The following POLE2 variants were observed in gnomAD, a reference collection of about 807,000 sequenced individuals.
POLE2 encodes the protein DNA polymerase epsilon 2, accessory subunit, also known as DNA polymerase epsilon subunit 2.
Under a neutral mutation model 79.4 loss-of-function variants are expected in POLE2, and 56 were observed. That is an observed-to-expected ratio of 0.71 (90% CI 0.57 to 0.88). The LOEUF (loss-of-function observed/expected upper bound fraction) is 0.88. Among genes scored for constraint, POLE2 ranks in the 40% least tolerant of loss-of-function variants. The probability of loss-of-function intolerance (pLI) is 0.00; values close to 1 mark genes in which losing one functional copy is unlikely to be tolerated. For missense variants in POLE2, 598 were observed against 638.9 expected (o/e 0.94, Z 0.69); for synonymous variants, 212 against 214.0 (o/e 0.99, Z 0.08).
rs1886384418 is a variant in POLE2, at chr14:49,677,701, T to A, written c.245+2024A>T. ...CTTACGAAATGGTGTTCAAGAAACG[T>A]GACAGTGTGGCCCTTGCTGTGCAGA... On this transcript the variant is annotated intron_variant, in intron 3 of 18. Transcript: ENST00000216367. The A allele has an allele frequency of 2.9e-6, 4 of 1,369,736 alleles. No individual in the cohort carries two copies. In the East Asian group the frequency reaches 7.9e-5, roughly 27 times the overall value. The allele number at this position is 1,369,736 out of a possible 1,614,324, so 84.8% of individuals were successfully genotyped here. A position where few individuals can be genotyped will look rare whatever the true frequency, so the allele number is the denominator to read the frequency against.
chr14:49,671,565 C>T (rs1384425937), intron 5 of POLE2, among the ~76,000 whole-genome samples: 1 of 141,474 alleles, frequency 7.1e-6, no homozygotes, highest in Non-Finnish European at 1.5e-5. Context: ...TGCAGTGAGC[C>T]GGGATTGCGC....
At chr14:49,656,183 A>G (rs1884655966) in intron 10 of POLE2, among the ~76,000 whole-genome samples, 1 of 151,980 alleles carries the variant, frequency 6.6e-6, no homozygotes. Context: ...GTGAAACCCC[A>G]TCTCTACTAA....
chr14:49,686,866 C>G (rs1263358442), intron 1 of POLE2, among the ~76,000 whole-genome samples: 1 of 151,978 alleles, frequency 6.6e-6, no homozygotes, highest in Non-Finnish European at 1.5e-5. Flanking sequence ...AAGGCATCTC[C>G]CAAAGCACAG....
intron 1 of POLE2, chr14:49,684,764 G>T (rs185410568): frequency 1.3e-5 from 2 of 151,324 alleles, no homozygotes; most frequent in Non-Finnish European, 2.9e-5. Context: ...ACGAGGTCAG[G>T]AGATCGAAAC....
intron 1 of POLE2, 79 bp downstream of exon 1, chr14:49,688,057 C>T: frequency 8.4e-7 from 1 of 1,193,730 alleles, no homozygotes. Context: ...GGAGCCGCCG[C>T]GGTGCGTCCC....
At chr14:49,643,814 G>T in intron 18 of POLE2, 144 bp from the exon 19 acceptor site, 1 of 331,934 alleles carries the variant, frequency 3.0e-6, no homozygotes, top group Non-Finnish European at 5.6e-6. Context: ...TTCAAAAGGA[G>T]ACTCTAAAAA....
At chr14:49,660,657 C>G (rs35129708) in intron 10 of POLE2, among the ~76,000 whole-genome samples, 1 of 151,904 alleles carries the variant, frequency 6.6e-6, no homozygotes, top group Non-Finnish European at 1.5e-5. Flanking sequence ...TCTGGGAGGC[C>G]GAGGCCAGTG....
chr14:49,654,725 T>C, intron 13 of POLE2, 59 bp downstream of exon 13: 1 of 1,469,620 alleles, frequency 6.8e-7, no homozygotes, highest in Non-Finnish European at 9.0e-7. Context: ...ACAAAATTCA[T>C]TTTTTGTTTT....
chr14:49,651,812 G>A (rs1010508976), intron 15 of POLE2, among the ~76,000 whole-genome samples: 2 of 152,124 alleles, frequency 1.3e-5, no homozygotes, highest in African/African-American at 2.4e-5. Flanking sequence ...AGTGTGACTT[G>A]AGCACAGGCT....
At chr14:49,646,026 C>A (rs1056180311) in intron 18 of POLE2, among the ~76,000 whole-genome samples, 7 of 152,262 alleles carry the variant, frequency 4.6e-5, no homozygotes, top group Admixed American at 2.0e-4. Flanking sequence ...GGCTGACAGC[C>A]CTCAGAGTTG....
At chr14:49,668,342 G>C (rs1817169261) in intron 6 of POLE2, among the ~76,000 whole-genome samples, 1 of 151,502 alleles carries the variant, frequency 6.6e-6, no homozygotes, top group African/African-American at 2.4e-5. Flanking sequence ...GCTAAGAGTA[G>C]TGGTGCACAC....
intron 17 of POLE2, among the ~76,000 whole-genome samples, chr14:49,649,714 G>T (rs1192369574): frequency 6.6e-6 from 1 of 152,182 alleles, no homozygotes; most frequent in Non-Finnish European, 1.5e-5. Flanking sequence ...CTCCCAAAGT[G>T]CTGGGATTAC....
chr14:49,675,575 GCCACCACA>G (rs1378666417), intron 3 of POLE2, among the ~76,000 whole-genome samples: 6 of 151,294 alleles, frequency 4.0e-5, no homozygotes, highest in Non-Finnish European at 7.4e-5. Context: ...ACAGGCATGT[GCCACCACA>G]CCCAGCTAAT....
In POLE2 at chr14:49,663,368, C is replaced by T. The variant is rs1182727995; in HGVS notation, c.702G>A (p.Val234=). Residue 234 remains valine, a synonymous_variant, in exon 10 of 19, where the codon GTG becomes GTA. Transcript: ENST00000216367. ...VLAEGWFEDQ[V]FHVNAFGFPP... ...GAAATCCAAAGGCATTGACATGAAA[C>T]ACTTGATCTTCAAACCAACCTGAAA... 6.2e-7 allele frequency: 1 copy of T among 1,609,982 alleles called. No homozygotes were observed. The highest frequency in any genetic ancestry group is 1.7e-4 in the Middle Eastern group (1 of 6,046).
intron 3 of POLE2, chr14:49,677,253 G>A (rs765687871): frequency 2.7e-5 from 18 of 666,412 alleles, no homozygotes; most frequent in Non-Finnish European, 4.6e-5. Context: ...AGGGTGCTAA[G>A]CATGAGGCCC....
intron 3 of POLE2, among the ~76,000 whole-genome samples, chr14:49,675,027 A>T (rs1297985985): frequency 1.3e-5 from 2 of 152,210 alleles, no homozygotes; most frequent in East Asian, 3.8e-4. Flanking sequence ...AGAATTATAT[A>T]AACAATAGTC....
At chr14:49,687,298 CACCACACACACACA>C (rs1393358752) in intron 1 of POLE2, among the ~76,000 whole-genome samples, 5 of 111,504 alleles carry the variant, frequency 4.5e-5, no homozygotes, top group Admixed American at 2.1e-4. Context: ...TATACACACA[CACCACACACACACA>C]CACACACACA....
intron 10 of POLE2, among the ~76,000 whole-genome samples, chr14:49,660,394 G>T (rs2139639054): frequency 6.6e-6 from 1 of 151,454 alleles, no homozygotes; most frequent in South Asian, 2.1e-4. Flanking sequence ...AATGTTAACA[G>T]TTTTTTTCTG....
Position 49,688,118 on chromosome 14 carries a change from C to G in POLE2, c.68+18G>C. On this transcript the variant is annotated intron_variant, in intron 1 of 18. Transcript: ENST00000216367. ...CAGCTCTTCCCTCTCGCCCTTCAAGCTGCCCGAGCCCACTCACCCACGGAG... is the reference window on the plus strand; with the variant it reads ...CAGCTCTTCCCTCTCGCCCTTCAAGGTGCCCGAGCCCACTCACCCACGGAG... 6.5e-7 allele frequency: 1 copy of G among 1,544,738 alleles called. No individual in the cohort carries two copies. Among genetic ancestry groups the G allele is most frequent in the Non-Finnish European group, 8.8e-7 (1 of 1,142,822 alleles).
Sources: allele counts gnomAD v4.1 joint callset (sites outside exome capture counted in the v4.1 genomes callset), GRCh38; gene constraint gnomAD v4.1.1; transcripts MANE v1.5; gene names NCBI Gene and HGNC (gene_info 2026-07-23, HGNC 2026-07-21).